Variants in SLC30A2 observed in about 807,000 individuals in gnomAD.
The protein encoded by SLC30A2 is proton-coupled zinc antiporter SLC30A2.
In SLC30A2, 19 loss-of-function variants were observed where a neutral mutation model predicts 39.6. The observed-to-expected ratio is 0.48, with a 90% CI of 0.34 to 0.70. The LOEUF (loss-of-function observed/expected upper bound fraction) is 0.70, where lower values mean the gene tolerates loss of function less well. SLC30A2 is among the 30% of genes least tolerant of loss of function. The pLI is 0.01. For missense variants in SLC30A2, 387 were observed against 479.4 expected (o/e 0.81, Z 1.80); for synonymous variants, 195 against 194.8 (o/e 1.00, Z -0.01).
intron 3 of SLC30A2, among the ~76,000 whole-genome samples, chr1:26,043,969 C>T (rs78144836): frequency 6.6e-6 from 1 of 152,146 alleles, no homozygotes; most frequent in East Asian, 1.9e-4. Flanking sequence ...GCCTTCCCCT[C>T]CCCCCAGAGC....
chr1:26,040,291 C>T (rs958555275), intron 6 of SLC30A2, among the ~76,000 whole-genome samples: 4 of 152,092 alleles, frequency 2.6e-5, no homozygotes, highest in Non-Finnish European at 5.9e-5. Flanking sequence ...CTCTGTCACC[C>T]AGGCTGGAGT....
chr1:26,039,878 C>T lies in SLC30A2; in HGVS notation c.872G>A (p.Arg291His), dbSNP rs149340896. 4.8e-4 allele frequency: 776 copies of T among 1,614,080 alleles called. 3 individuals are homozygous for T. In the African/African-American group the frequency reaches 7.4e-3, roughly 15 times the overall value. ...TPKGVDFTAV[R>H]DLLLSVEGVE... is the part of the protein sequence containing the mutation. The stretch of plus-strand genomic sequence containing the variant: ...CCCCTCCACCGACAGCAGCAGATCA[C>T]GAACAGCTGTGAAGTCAACGCCCTT... Residue 291 changes from arginine to histidine, a missense_variant, in exon 7 of 8, where the codon CGT (arginine) becomes CAT (histidine). Coordinates refer to ENST00000374276, the MANE Select transcript of SLC30A2 (RefSeq NM_001004434.3). This position sits in a 1 kb window ranked among gnomAD's most constrained non-coding sequence, Gnocchi z 4.3.
rs116656369 is a variant in SLC30A2, at chr1:26,038,942, C to T, written c.*218G>A. ...AGAGCTGGCCCAGGAGCTGGAAGAG[C>T]AGGGTCACACTAGCTTTATACCCGC... On this transcript the variant is annotated 3_prime_UTR_variant, in exon 8 of 8. Coordinates refer to ENST00000374276, the MANE Select transcript of SLC30A2 (RefSeq NM_001004434.3). 4.6e-3 allele frequency: 5,768 copies of T among 1,263,666 alleles called. 24 individuals are homozygous for T. Among genetic ancestry groups the T allele is most frequent in the Middle Eastern group, 0.015 (69 of 4,484 alleles). 78.3% of individuals were successfully genotyped at this position (1,263,666 alleles called of 1,614,324 possible). A position where few individuals can be genotyped will look rare whatever the true frequency, so the allele number is the denominator to read the frequency against.
Position 26,042,723 on chromosome 1 carries a change from A to G in SLC30A2, c.573-15T>C. ...TCAACCCCATTCTATGGAAGTGGAG[A>G]CAAAGCCAAGGGCTCACTGAGGTCG... On this transcript the variant is annotated splice_polypyrimidine_tract_variant and intron_variant, in intron 4 of 7. Coordinates refer to ENST00000374276, the MANE Select transcript of SLC30A2 (RefSeq NM_001004434.3). 6.2e-7 allele frequency: 1 copy of G among 1,612,402 alleles called. No individual in the cohort carries two copies. Among genetic ancestry groups the G allele is most frequent in the Non-Finnish European group, 8.5e-7 (1 of 1,178,980 alleles).
Position 26,044,879 on chromosome 1 carries a change from G to A in SLC30A2, c.271+118C>T, listed in dbSNP as rs2050442066. ...TTGTTAGACCTGCATCAGATAATGTGTATATAAAGGCTTACTGTAGTGTGT... is the reference window on the plus strand; with the variant it reads ...TTGTTAGACCTGCATCAGATAATGTATATATAAAGGCTTACTGTAGTGTGT... On this transcript the variant is annotated intron_variant, in intron 2 of 7. Transcript: ENST00000374276. 7.5e-6 allele frequency: 6 copies of A among 797,604 alleles called. No individual in the cohort carries two copies. The Admixed American group carries it at 9.7e-5, about 13-fold the overall frequency. The allele number at this position is 797,604 out of a possible 1,614,324, so 49.4% of individuals were successfully genotyped here.
chr1:26,042,533 G>A lies in SLC30A2; in HGVS notation c.732+16C>T. ...ACTCCCCTGCCACCCCCACCACCCT[G>A]TGTCCCAGCTCTGACCTTGAAGTAT... On this transcript the variant is annotated intron_variant, in intron 5 of 7. Coordinates refer to ENST00000374276, the MANE Select transcript of SLC30A2 (RefSeq NM_001004434.3). The A allele has an allele frequency of 6.2e-7, 1 of 1,608,066 alleles. No individual in the cohort carries two copies. The highest frequency in any genetic ancestry group is 8.5e-7 in the Non-Finnish European group (1 of 1,175,110).
chr1:26,045,472 T>C (rs936596329), intron 1 of SLC30A2: 2 of 593,888 alleles, frequency 3.4e-6, no homozygotes, highest in Admixed American at 6.0e-5. Context: ...TGCTGTCCAG[T>C]GGAGCGCGGG....
intron 3 of SLC30A2, 28 bp downstream of exon 3, chr1:26,044,270 C>A: frequency 6.2e-7 from 1 of 1,612,600 alleles, no homozygotes; most frequent in South Asian, 1.1e-5. Flanking sequence ...TCTCTCAACC[C>A]CATCTCCAGC....
At chr1:26,042,451 G>C (rs2050408184) in intron 5 of SLC30A2, 98 bp downstream of exon 5, 11 of 1,097,740 alleles carry the variant, frequency 1.0e-5, no homozygotes, top group Non-Finnish European at 1.3e-5. Flanking sequence ...CCTAGAACTG[G>C]GAGGGAGCTA....
At chr1:26,043,286 C>T (rs1249170875) in intron 4 of SLC30A2, 112 bp downstream of exon 4, 22 of 1,174,220 alleles carry the variant, frequency 1.9e-5, no homozygotes, top group East Asian at 1.2e-4. Flanking sequence ...AAGTTCTGTC[C>T]CTGTAGCGTA....
In SLC30A2 at chr1:26,045,996, G is replaced by A. The variant is rs2050460261; in HGVS notation, c.-100C>T. 2.6e-6 allele frequency: 4 copies of A among 1,515,208 alleles called. No homozygotes were observed. Among genetic ancestry groups the A allele is most frequent in the South Asian group, 2.5e-5 (2 of 79,528 alleles). The allele number at this position is 1,515,208 out of a possible 1,614,324, so 93.9% of individuals were successfully genotyped here. ...CGGGTGGCGCTCACCCACCTGCCCC[G>A]AGGGCCCCGCGAGGTGCGCTCACTC... On this transcript the variant is annotated 5_prime_UTR_variant, in exon 1 of 8. Transcript: ENST00000374276.
Position 26,037,462 on chromosome 1 carries a change from G to A in SLC30A2, c.*1698C>T, listed in dbSNP as rs1429122858. ...TTGGCCAGGCTGGTCTCGAACTCCT[G>A]GCCTCAAGTCATCTGCCTGCCTCAG... On this transcript the variant is annotated 3_prime_UTR_variant, in exon 8 of 8. Transcript: ENST00000374276. The A allele has an allele frequency of 6.6e-6, 1 of 152,156 alleles. No individual in the cohort carries two copies. Among genetic ancestry groups the A allele is most frequent in the African/African-American group, 2.4e-5 (1 of 41,400 alleles). 9.4% of individuals were successfully genotyped at this position (152,156 alleles called of 1,614,324 possible).
At chr1:26,043,727 A>G (rs1187662158) in intron 3 of SLC30A2, among the ~76,000 whole-genome samples, 176 bp from the exon 4 acceptor site, 1 of 151,886 alleles carries the variant, frequency 6.6e-6, no homozygotes, top group Non-Finnish European at 1.5e-5. Context: ...CCCCTCATAT[A>G]TCTAGGAATG....
At chr1:26,045,736 G>T in intron 1 of SLC30A2, 111 bp downstream of exon 1, 6 of 1,552,060 alleles carry the variant, frequency 3.9e-6, no homozygotes, top group Non-Finnish European at 3.5e-6. Flanking sequence ...CACCCCTCCT[G>T]CATGGTCCCA....
chr1:26,042,336 C>G (rs1395471920), intron 5 of SLC30A2, among the ~76,000 whole-genome samples: 2 of 152,204 alleles, frequency 1.3e-5, no homozygotes, highest in Admixed American at 6.5e-5. Flanking sequence ...CCTTTCTGAG[C>G]TACAGAAAAC....
rs1250248426 is a variant in SLC30A2 at position 26,044,390 on chromosome 1, G to A, written c.326C>T (p.Thr109Ile). ...AVMTDAAHLL[T>I]DFASMLISLF... ...GCTGATGAGCATGCTGGCAAAGTCA[G>A]TGAGCAGGTGTGCTGCGTCAGTCAT... The change falls in exon 3 of 8, where the codon ACT becomes ATT. Residue 109 changes from threonine to isoleucine, a missense_variant. Coordinates refer to ENST00000374276, the MANE Select transcript of SLC30A2 (RefSeq NM_001004434.3). 2 of 1,614,036 alleles carry A rather than the reference G, an allele frequency of 1.2e-6. No individual in the cohort carries two copies. Among genetic ancestry groups the A allele is most frequent in the East Asian group, 2.2e-5 (1 of 44,892 alleles).
chr1:26,045,713 C>T (rs1449523540), intron 1 of SLC30A2, 134 bp downstream of exon 1: 7 of 1,436,236 alleles, frequency 4.9e-6, no homozygotes, highest in African/African-American at 1.4e-5. Flanking sequence ...ATCTTCGTTC[C>T]CTCACCTCAC....
In SLC30A2 at chr1:26,045,938, C is replaced by G; in HGVS notation, c.-42G>C. On this transcript the variant is annotated 5_prime_UTR_variant, in exon 1 of 8. Coordinates refer to ENST00000374276, the MANE Select transcript of SLC30A2 (RefSeq NM_001004434.3). ...TCCCGGCAGCCGCGCAGCCGCCCCG[C>G]CGAGTGCGCCCTGAAAGTTGCGCGC... 1 of 1,603,470 alleles carries G rather than the reference C, an allele frequency of 6.2e-7. No homozygotes were observed. The highest frequency in any genetic ancestry group is 8.5e-7 in the Non-Finnish European group (1 of 1,178,328).
At chr1:26,041,558 G>C in intron 6 of SLC30A2, 142 bp downstream of exon 6, 1 of 608,026 alleles carries the variant, frequency 1.6e-6, no homozygotes, top group South Asian at 2.0e-5. Flanking sequence ...GGGGCCCCAG[G>C]AGGTTTTCCA....
Sources: gnomAD v4.1 joint callset for allele counts (sites outside exome capture counted in the v4.1 genomes callset) on GRCh38, gnomAD v4.1.1 for gene constraint, Gnocchi (gnomAD v3.1) non-coding constraint, MANE v1.5 for transcripts, NCBI Gene and HGNC (gene_info 2026-07-23, HGNC 2026-07-21) for gene names.